The following SGCD variants were observed in gnomAD, a reference collection of about 807,000 sequenced individuals.
SGCD encodes the protein sarcoglycan delta, also known as delta-sarcoglycan.
Under a neutral mutation model 36.6 loss-of-function variants are expected in SGCD, and 18 were observed. That is an observed-to-expected ratio of 0.49 (90% CI 0.34 to 0.73). The LOEUF (loss-of-function observed/expected upper bound fraction) is 0.73, where lower values mean the gene tolerates loss of function less well. Among genes scored for constraint, SGCD ranks in the 30% least tolerant of loss-of-function variants. The pLI, the probability that SGCD is intolerant of heterozygous loss-of-function variation, is 0.01. For missense variants in SGCD, 387 were observed against 346.7 expected (o/e 1.12, Z -0.92); for synonymous variants, 133 against 130.6 (o/e 1.02, Z -0.12).
At chr5:156,601,477 T>C (rs1242497574) in intron 6 of SGCD, among the ~76,000 whole-genome samples, 3 of 152,216 alleles carry the variant, frequency 2.0e-5, no homozygotes, top group African/African-American at 7.2e-5. Flanking sequence ...ATCTCTATTC[T>C]CTTCCATCGG....
intron 3 of SGCD, among the ~76,000 whole-genome samples, chr5:156,132,174 G>T (rs926534171): frequency 1.3e-5 from 2 of 152,124 alleles, no homozygotes; most frequent in Non-Finnish European, 2.9e-5. Flanking sequence ...CACTGAGGGT[G>T]GGGAGATGGG....
chr5:156,099,800 T>A (rs1761476254), intron 1 of SGCD, among the ~76,000 whole-genome samples: 1 of 151,934 alleles, frequency 6.6e-6, no homozygotes, highest in African/African-American at 2.4e-5. Flanking sequence ...TATATTATTA[T>A]AAATAATAAA....
At position 156,493,016 on chromosome 5, in the gene SGCD, A is replaced by T. The variant is rs1756015457; in HGVS notation, c.193-15585A>T. ...CTTTGCTATTGTGAACAGTGCCGCA[A>T]TAAATATACATGTGCACGTGTCTTT... On this transcript the variant is annotated intron_variant, in intron 3 of 8. Coordinates refer to ENST00000337851, the MANE Select transcript of SGCD (RefSeq NM_000337.6). 2.0e-5 allele frequency among the ~76,000 whole-genome samples: 3 copies of T among 152,218 alleles called. No homozygotes were observed. The East Asian group carries it at 5.8e-4, about 29-fold the overall frequency.
intron 6 of SGCD, among the ~76,000 whole-genome samples, chr5:156,609,873 CG>C (rs1761694090): frequency 6.6e-6 from 1 of 152,100 alleles, no homozygotes; most frequent in Non-Finnish European, 1.5e-5. Flanking sequence ...ACATAGTTCT[CG>C]TGCCATGGTT....
intron 7 of SGCD, among the ~76,000 whole-genome samples, chr5:156,668,965 G>A (rs1475283181): frequency 6.6e-6 from 1 of 152,096 alleles, no homozygotes; most frequent in Non-Finnish European, 1.5e-5. Flanking sequence ...TAAGTGGCTG[G>A]AGCGGAAAAA....
chr5:156,113,412 G>A (rs1761836373), intron 1 of SGCD, among the ~76,000 whole-genome samples: 1 of 152,102 alleles, frequency 6.6e-6, no homozygotes, highest in Admixed American at 6.6e-5. Context: ...TGGGAATACA[G>A]CAAGCACTAC....
chr5:155,732,303 G>A, the SGCD span, among the ~76,000 whole-genome samples: 1 of 152,172 alleles, frequency 6.6e-6, no homozygotes, highest in African/African-American at 2.4e-5. Flanking sequence ...AATTACTTTA[G>A]TTGTCAGCAG....
chr5:156,208,093 A>T (rs1318768662), intron 3 of SGCD, among the ~76,000 whole-genome samples: 2 of 152,232 alleles, frequency 1.3e-5, no homozygotes, highest in Non-Finnish European at 2.9e-5. Flanking sequence ...AAATTCTAAA[A>T]TACAAGTTAT....
At chr5:155,866,265 A>T (rs1426099123), upstream of SGCD, among the ~76,000 whole-genome samples, 1 of 152,040 alleles carries the variant, frequency 6.6e-6, no homozygotes, top group Non-Finnish European at 1.5e-5. Flanking sequence ...CACTACAAGC[A>T]CTAAGTGGTG....
chr5:156,497,195 CT>C (rs1756235854), intron 3 of SGCD, among the ~76,000 whole-genome samples: 1 of 104,494 alleles, frequency 9.6e-6, no homozygotes, highest in East Asian at 2.8e-4. Flanking sequence ...CTCTCTCTCT[CT>C]CTCTCTCTCT....
intron 7 of SGCD, among the ~76,000 whole-genome samples, chr5:156,688,702 A>C (rs1169375512): frequency 6.6e-6 from 1 of 152,130 alleles, no homozygotes; most frequent in Non-Finnish European, 1.5e-5. Context: ...CTGCCAGGCT[A>C]TTTCAGATTG....
chr5:156,502,529 C>T (rs1359310066), intron 3 of SGCD, among the ~76,000 whole-genome samples: 3 of 152,064 alleles, frequency 2.0e-5, no homozygotes, highest in African/African-American at 7.2e-5. Context: ...AGGATGGTAT[C>T]TTGCTATGCT....
chr5:156,120,420 A>G (rs913996723), intron 2 of SGCD, among the ~76,000 whole-genome samples: 1 of 152,154 alleles, frequency 6.6e-6, no homozygotes, highest in African/African-American at 2.4e-5. Flanking sequence ...TGTCATGTCT[A>G]CTCATATCTG....
At chr5:156,286,146 A>T (rs1426373976) in intron 3 of SGCD, among the ~76,000 whole-genome samples, 1 of 152,194 alleles carries the variant, frequency 6.6e-6, no homozygotes. Context: ...ACCAGTTAGA[A>T]TGGTGATCAT....
intron 3 of SGCD, among the ~76,000 whole-genome samples, chr5:156,222,422 A>G (rs1764737598): frequency 6.6e-6 from 1 of 151,928 alleles, no homozygotes; most frequent in African/African-American, 2.4e-5. Flanking sequence ...TTTTTTTTGC[A>G]GAGGAGTGGC....
At chr5:156,199,662 T>C (rs1182481132) in intron 3 of SGCD, among the ~76,000 whole-genome samples, 1 of 152,168 alleles carries the variant, frequency 6.6e-6, no homozygotes. Context: ...TTTAAAATAA[T>C]GGCATTAGAT....
chr5:156,377,401 A>G (rs1770726248), intron 3 of SGCD, among the ~76,000 whole-genome samples: 2 of 152,236 alleles, frequency 1.3e-5, no homozygotes, highest in Non-Finnish European at 2.9e-5. Flanking sequence ...CCTATTCAGT[A>G]TTCTCACAAC....
chr5:155,811,629 C>T, the SGCD span, among the ~76,000 whole-genome samples: 1 of 152,102 alleles, frequency 6.6e-6, no homozygotes, highest in East Asian at 1.9e-4. Context: ...CGGGATCTGG[C>T]CAGCAGCCCG....
At chr5:156,689,569 G>A (rs1481652792) in intron 7 of SGCD, among the ~76,000 whole-genome samples, 2 of 152,188 alleles carry the variant, frequency 1.3e-5, no homozygotes, top group African/African-American at 2.4e-5. Flanking sequence ...GGAAAGGGAA[G>A]TAGGAAGCAT....
Sources: allele counts gnomAD v4.1 joint callset (sites outside exome capture counted in the v4.1 genomes callset), GRCh38; gene constraint gnomAD v4.1.1; transcripts MANE v1.5; gene names NCBI Gene and HGNC (gene_info 2026-07-23, HGNC 2026-07-21).